The following RAB3GAP2 variants were observed in gnomAD, a reference collection of about 807,000 sequenced individuals.
RAB3GAP2 encodes rab3 GTPase-activating protein non-catalytic subunit.
A neutral mutation model predicts 185.3 loss-of-function variants in RAB3GAP2; 87 were observed. The ratio of observed to expected loss-of-function variants is 0.47; its 90% confidence interval spans 0.39 to 0.56. The LOEUF (loss-of-function observed/expected upper bound fraction) is 0.56, where lower values mean the gene tolerates loss of function less well. Ranked by LOEUF, RAB3GAP2 falls within the 20% of genes least tolerant of loss-of-function variation. The pLI, the probability that RAB3GAP2 is intolerant of heterozygous loss-of-function variation, is 0.00. For missense variants in RAB3GAP2, 1,492 were observed against 1,638.2 expected (o/e 0.91, Z 1.54); for synonymous variants, 554 against 576.1 (o/e 0.96, Z 0.55).
rs1660244826 is a variant in RAB3GAP2 at position 220,267,270 on chromosome 1, T to G, written c.115+4953A>C. On this transcript the variant is annotated intron_variant, in intron 1 of 34. Coordinates refer to ENST00000358951, the MANE Select transcript of RAB3GAP2 (RefSeq NM_012414.4). ...GTTTCTGAAGTTCTGTATTGACTGT[T>G]TCAAGTGGTGTATATTCCAGAATTA... is the stretch of plus-strand genomic sequence containing the variant. The G allele has an allele frequency of 4.4e-6, 4 of 909,230 alleles. No individual in the cohort carries two copies. In the South Asian group the frequency reaches 5.2e-5, roughly 12 times the overall value. 56.3% of individuals were successfully genotyped at this position (909,230 alleles called of 1,614,324 possible).
At position 220,190,385 on chromosome 1, in the gene RAB3GAP2, T is replaced by C. The variant is rs945164367; in HGVS notation, c.1623A>G (p.Leu541=). The C allele has an allele frequency of 1.1e-5, 17 of 1,613,954 alleles. No homozygotes were observed. The highest frequency in any genetic ancestry group is 1.4e-5 in the Non-Finnish European group (17 of 1,179,984). ...SVKTVNVPFH[L]ALSDKKSERA... is the part of the protein sequence containing the mutation. ...CACTGGACACACCTTACCTCAGTGC[T>C]AAATGGAAGGGAACGTTCACTGTTT... Residue 541 remains leucine, a synonymous_variant, in exon 15 of 35, where the codon TTA becomes TTG. Coordinates refer to ENST00000358951, the MANE Select transcript of RAB3GAP2 (RefSeq NM_012414.4).
intron 12 of RAB3GAP2, 27 bp downstream of exon 12, chr1:220,195,050 TA>T: frequency 1.2e-6 from 2 of 1,603,188 alleles, no homozygotes; most frequent in East Asian, 4.5e-5. Flanking sequence ...CTAAAAGGAC[TA>T]AAATTTGGGA....
intron 1 of RAB3GAP2, among the ~76,000 whole-genome samples, chr1:220,246,665 C>T (rs1659823742): frequency 8.0e-6 from 1 of 124,236 alleles, no homozygotes; most frequent in Non-Finnish European, 1.7e-5. Context: ...TAAACTATCG[C>T]AAGAACAAAA....
intron 26 of RAB3GAP2, among the ~76,000 whole-genome samples, chr1:220,166,891 G>A (rs929706655): frequency 2.0e-5 from 3 of 152,108 alleles, no homozygotes; most frequent in Non-Finnish European, 2.9e-5. Context: ...TATTGTGTTC[G>A]GTTGGGGCCA....
intron 30 of RAB3GAP2, 29 bp downstream of exon 30, chr1:220,157,773 G>A (rs1288946138): frequency 6.5e-7 from 1 of 1,548,508 alleles, no homozygotes; most frequent in African/African-American, 1.4e-5. Flanking sequence ...CTTAGGAGCA[G>A]TTCAGAATGA....
At chr1:220,151,889 T>C (rs902870705) in intron 33 of RAB3GAP2, 125 bp from the exon 34 acceptor site, 24 of 1,000,812 alleles carry the variant, frequency 2.4e-5, no homozygotes, top group Non-Finnish European at 2.8e-5. Context: ...ATCTTTTGAT[T>C]GTATACAACC....
In RAB3GAP2 at chr1:220,172,041, C is replaced by T. The variant is rs771656781; in HGVS notation, c.2425G>A (p.Asp809Asn). 6.2e-6 allele frequency: 10 copies of T among 1,613,976 alleles called. No individual in the cohort carries two copies. Among genetic ancestry groups the T allele is most frequent in the African/African-American group, 5.3e-5 (4 of 74,908 alleles). The change falls in exon 23 of 35, where the codon GAT (aspartate) becomes AAT (asparagine). Residue 809 changes from aspartate to asparagine, a missense_variant. By Grantham distance (23) the Asp-to-Asn change is conservative. Around this residue, in one of 5 missense-constraint regions of RAB3GAP2, gnomAD observed 681 missense variants for 689.1 expected, o/e 0.99. Coordinates refer to ENST00000358951, the MANE Select transcript of RAB3GAP2 (RefSeq NM_012414.4). ...SLLSKMKVAI[D>N]ETWDSQSVSP... is the part of the protein sequence containing the mutation. ...ACAGACTGAGAATCCCAGGTCTCATCGATGGCCACTATAGGGATAGGAGAA... is the reference window on the plus strand; with the variant it reads ...ACAGACTGAGAATCCCAGGTCTCATTGATGGCCACTATAGGGATAGGAGAA...
chr1:220,243,750 T>C (rs1659743708), intron 1 of RAB3GAP2, among the ~76,000 whole-genome samples: 1 of 152,234 alleles, frequency 6.6e-6, no homozygotes, highest in Admixed American at 6.5e-5. Context: ...GGTGCTGCTA[T>C]GGAGATCAAA....
intron 24 of RAB3GAP2, among the ~76,000 whole-genome samples, chr1:220,168,487 T>A (rs972348538): frequency 2.6e-5 from 4 of 151,978 alleles, no homozygotes; most frequent in Middle Eastern, 3.4e-3. Context: ...ACCCTCTGCC[T>A]CCCAGGTACA....
chr1:220,192,676 A>T (rs142065802), intron 13 of RAB3GAP2, among the ~76,000 whole-genome samples: 9 of 152,328 alleles, frequency 5.9e-5, no homozygotes, highest in Non-Finnish European at 1.0e-4. Flanking sequence ...AATGCAGATA[A>T]GAGGGCTGTC....
chr1:220,210,311 T>A, intron 7 of RAB3GAP2, 77 bp downstream of exon 7: 1 of 1,042,934 alleles, frequency 9.6e-7, no homozygotes, highest in South Asian at 1.3e-5. Flanking sequence ...TCTTTTAAGT[T>A]TCTACCTAAA....
At chr1:220,221,062 T>C (rs1015523084) in intron 2 of RAB3GAP2, among the ~76,000 whole-genome samples, 2 of 152,208 alleles carry the variant, frequency 1.3e-5, no homozygotes, top group African/African-American at 4.8e-5. Context: ...TCAGTTATTA[T>C]ACCACAACCG....
At position 220,159,360 on chromosome 1, in the gene RAB3GAP2, A is replaced by G. The variant is rs1657919431; in HGVS notation, c.3261+26T>C. ...TAAAAGTGTGGAATTAACAACCATA[A>G]TTCTAGCTATGGGAGATTCACTTAC... On this transcript the variant is annotated intron_variant, in intron 29 of 34. Transcript: ENST00000358951. 4 of 1,589,928 alleles carry G rather than the reference A, an allele frequency of 2.5e-6. 1 individual carries two copies. The South Asian group carries it at 4.4e-5, about 18-fold the overall frequency.
chr1:220,212,374 T>G (rs1217638060), intron 4 of RAB3GAP2, among the ~76,000 whole-genome samples: 1 of 152,224 alleles, frequency 6.6e-6, no homozygotes, highest in African/African-American at 2.4e-5. Context: ...CAGAATTTTT[T>G]AAAAACATAA....
At chr1:220,231,570 G>A (rs187261466) in intron 2 of RAB3GAP2, among the ~76,000 whole-genome samples, 61 of 151,906 alleles carry the variant, frequency 4.0e-4, no homozygotes, top group African/African-American at 1.3e-3. Context: ...AACTCCTTCC[G>A]TGTGGCCATG....
chr1:220,158,282 C>G lies in RAB3GAP2; in HGVS notation c.3262-406G>C, dbSNP rs1466621409. Among the ~76,000 whole-genome samples, 1 of 152,132 alleles carries G rather than the reference C, an allele frequency of 6.6e-6. No homozygotes were observed. Among genetic ancestry groups the G allele is most frequent in the Admixed American group, 6.6e-5 (1 of 15,266 alleles). ...AAAAGCTCCAAGAAAACAGCCTGGT[C>G]TGCTTTCAGAGCGTCTTTTAGAGAC... On this transcript the variant is annotated intron_variant, in intron 29 of 34. Transcript: ENST00000358951. This position sits in a 1 kb window ranked among gnomAD's most constrained non-coding sequence, Gnocchi z 4.3.
intron 1 of RAB3GAP2, among the ~76,000 whole-genome samples, chr1:220,234,331 AATAGATTCACTTAT>A: frequency 6.6e-6 from 1 of 152,340 alleles, no homozygotes; most frequent in East Asian, 1.9e-4. Flanking sequence ...GCAGGAAGCA[AATAGATTCACTTAT>A]ATACGAGGTT....
In RAB3GAP2 at chr1:220,154,027, A is replaced by T. The variant is rs757400581; in HGVS notation, c.3586T>A (p.Ser1196Thr). The T allele has an allele frequency of 3.0e-5, 49 of 1,613,592 alleles. No homozygotes were observed. The highest frequency in any genetic ancestry group is 4.2e-5 in the Non-Finnish European group (49 of 1,179,782). ...GKNAFFKDLT[S>T]IQLLPSGEMD... ...TCCCCACTAGGTAATAACTGAATTG[A>T]AGTTAGGTCTTTGAAAAATGCATTT... The change falls in exon 32 of 35, where the codon TCA becomes ACA. Residue 1196 changes from serine to threonine, a missense_variant. Transcript: ENST00000358951.
intron 21 of RAB3GAP2, among the ~76,000 whole-genome samples, chr1:220,173,649 C>T (rs1658220790): frequency 6.6e-6 from 1 of 152,162 alleles, no homozygotes; most frequent in South Asian, 2.1e-4. Flanking sequence ...ATCCTAATAA[C>T]TTCTGTGGCA....
Sources: gnomAD v4.1 joint callset for allele counts (sites outside exome capture counted in the v4.1 genomes callset) on GRCh38, gnomAD v4.1.1 for gene constraint, gnomAD v4.1.1 regional missense constraint, Gnocchi (gnomAD v3.1) non-coding constraint, MANE v1.5 for transcripts, NCBI Gene and HGNC (gene_info 2026-07-23, HGNC 2026-07-21) for gene names.